The following TMEM131L variants were observed in gnomAD, a reference collection of about 807,000 sequenced individuals.
The protein encoded by TMEM131L is transmembrane 131 like.
TMEM131L carries 54 observed loss-of-function variants against 192.2 expected under a neutral mutation model. That is an observed-to-expected ratio of 0.28 (90% CI 0.23 to 0.35). TMEM131L has a LOEUF of 0.35. Among genes scored for constraint, TMEM131L ranks in the 10% least tolerant of loss-of-function variants. TMEM131L has a pLI of 1.00. For missense variants in TMEM131L, 1,888 were observed against 1,972.9 expected, an observed-to-expected ratio of 0.96 and a Z score of 0.82; for synonymous variants, 701 against 704.9, an observed-to-expected ratio of 0.99 and a Z score of 0.09.
At chr4:153,540,677 G>C (rs912670090) in intron 3 of TMEM131L, among the ~76,000 whole-genome samples, 2 of 152,224 alleles carry the variant, frequency 1.3e-5, no homozygotes. Context: ...AATAAGTTCA[G>C]CTACCAAGTT....
intron 3 of TMEM131L, among the ~76,000 whole-genome samples, chr4:153,504,565 G>C (rs1039124448): frequency 6.6e-6 from 1 of 152,168 alleles, no homozygotes; most frequent in Non-Finnish European, 1.5e-5. Flanking sequence ...TGGGATTACA[G>C]GCGTGAGCCA....
chr4:153,558,235 C>G (rs751638224), intron 6 of TMEM131L, 23 bp from the exon 7 acceptor site: 8 of 1,272,734 alleles, frequency 6.3e-6, no homozygotes, highest in South Asian at 1.2e-5. Context: ...AACAGAGGAG[C>G]AATTCTCTCT....
rs557784875 is a variant in TMEM131L, at chr4:153,605,535, T to G, written c.3418+1105T>G. On this transcript the variant is annotated intron_variant, in intron 25 of 34. Transcript: ENST00000409959. The stretch of plus-strand genomic sequence containing the variant: ...GGCACATGCCATCATGCCCAACTAA[T>G]TTTTGTACTGTTTTGTAGAGATGGG... Among the ~76,000 whole-genome samples, 8 of 152,216 alleles carry G rather than the reference T, an allele frequency of 5.3e-5. No homozygotes were observed. In the East Asian group the frequency reaches 1.5e-3, roughly 29 times the overall value.
intron 3 of TMEM131L, among the ~76,000 whole-genome samples, chr4:153,504,501 A>G (rs1052222120): frequency 2.0e-5 from 3 of 147,332 alleles, no homozygotes; most frequent in Non-Finnish European, 4.5e-5. Flanking sequence ...GCTGGTCTCT[A>G]ACTCCTGACT....
intron 25 of TMEM131L, among the ~76,000 whole-genome samples, chr4:153,611,788 T>A (rs1370677840): frequency 6.6e-6 from 1 of 152,240 alleles, no homozygotes; most frequent in African/African-American, 2.4e-5. Flanking sequence ...TCATCCATGT[T>A]GTAGCATGTG....
At chr4:153,530,610 A>T (rs928883877) in intron 3 of TMEM131L, among the ~76,000 whole-genome samples, 2 of 152,130 alleles carry the variant, frequency 1.3e-5, no homozygotes, top group African/African-American at 4.8e-5. Context: ...TTTAAAAGGT[A>T]TTCATTGGGT....
At chr4:153,488,905 T>A (rs867229974) in intron 3 of TMEM131L, among the ~76,000 whole-genome samples, 1 of 152,128 alleles carries the variant, frequency 6.6e-6, no homozygotes, top group African/African-American at 2.4e-5. Flanking sequence ...CAGTCTCTTG[T>A]CGCACAGCGC....
Position 153,596,259 on chromosome 4 carries a change from G to A in TMEM131L, c.1997G>A (p.Gly666Asp). Residue 666 changes from glycine to aspartate, a missense_variant and splice_region_variant, in exon 20 of 35, where the codon GGT becomes GAT. Coordinates refer to ENST00000409959, the MANE Select transcript of TMEM131L (RefSeq NM_001131007.2). Reference sequence around the variant, plus strand: ...ATGGTTTAATTTGTTAATTTGCAGGGTACGCATTCTGAGGAATCCAGGTTT... The same window carrying A: ...ATGGTTTAATTTGTTAATTTGCAGGATACGCATTCTGAGGAATCCAGGTTT... ...FQLTEACPYL[G>D]THSEESRFGI... 1 of 1,613,628 alleles carries A rather than the reference G, an allele frequency of 6.2e-7. No homozygotes were observed. The highest frequency in any genetic ancestry group is 8.5e-7 in the Non-Finnish European group (1 of 1,179,678).
At chr4:153,467,109 G>T in intron 1 of TMEM131L, 102 bp from the exon 2 acceptor site, 6 of 1,106,930 alleles carry the variant, frequency 5.4e-6, no homozygotes, top group Non-Finnish European at 8.1e-6. Context: ...AAAAAGAGAC[G>T]TGTTTTGGTG....
At chr4:153,592,675 T>C (rs1731159392) in intron 18 of TMEM131L, 91 bp downstream of exon 18, 1 of 853,302 alleles carries the variant, frequency 1.2e-6, no homozygotes, top group African/African-American at 1.7e-5. Flanking sequence ...AACCAGGACC[T>C]GTGTGTGGAT....
At chr4:153,551,600 C>T (rs1236769252) in intron 4 of TMEM131L, among the ~76,000 whole-genome samples, 1 of 152,018 alleles carries the variant, frequency 6.6e-6, no homozygotes, top group African/African-American at 2.4e-5. Context: ...AAGTGATACG[C>T]CCTCCTTGGC....
At chr4:153,514,406 AT>A (rs1399843422) in intron 3 of TMEM131L, among the ~76,000 whole-genome samples, 3 of 152,190 alleles carry the variant, frequency 2.0e-5, no homozygotes, top group African/African-American at 7.2e-5. Context: ...ATGATGAGAA[AT>A]GAGTCAACAA....
intron 3 of TMEM131L, among the ~76,000 whole-genome samples, chr4:153,485,780 C>G (rs1482160033): frequency 6.6e-6 from 1 of 152,212 alleles, no homozygotes; most frequent in Non-Finnish European, 1.5e-5. Context: ...TGTTAATCCA[C>G]TTAATCCATA....
chr4:153,528,180 CT>C (rs1252362322), intron 3 of TMEM131L, among the ~76,000 whole-genome samples: 1 of 152,184 alleles, frequency 6.6e-6, no homozygotes, highest in Non-Finnish European at 1.5e-5. Flanking sequence ...CAGGTTACAG[CT>C]TGCCTCTTCA....
chr4:153,572,524 T>C (rs1729656957), intron 7 of TMEM131L, among the ~76,000 whole-genome samples: 1 of 151,928 alleles, frequency 6.6e-6, no homozygotes, highest in Non-Finnish European at 1.5e-5. Context: ...AGAGATGGGG[T>C]TTCACCATGT....
chr4:153,543,411 A>G (rs1580176899), intron 3 of TMEM131L, among the ~76,000 whole-genome samples: 1 of 152,354 alleles, frequency 6.6e-6, no homozygotes, highest in Non-Finnish European at 1.5e-5. Flanking sequence ...AGAATTTTAT[A>G]ACTATGTAGT....
Position 153,473,961 on chromosome 4 carries a change from A to G in TMEM131L, c.239+73A>G, listed in dbSNP as rs1731344590. On this transcript the variant is annotated intron_variant, in intron 3 of 34. Coordinates refer to ENST00000409959, the MANE Select transcript of TMEM131L (RefSeq NM_001131007.2). ...CACTTTGGGTGCTCTCTGAAGTCTCAGTATATGTCCATGTTTATGTATTTA... is the reference window on the plus strand; with the variant it reads ...CACTTTGGGTGCTCTCTGAAGTCTCGGTATATGTCCATGTTTATGTATTTA... The G allele has an allele frequency of 3.1e-6, 3 of 975,632 alleles. No homozygotes were observed. The Admixed American group carries it at 7.4e-5, about 24-fold the overall frequency. The allele number at this position is 975,632 out of a possible 1,614,324, so 60.4% of individuals were successfully genotyped here.
intron 3 of TMEM131L, among the ~76,000 whole-genome samples, chr4:153,527,403 G>C (rs1250605597): frequency 6.6e-6 from 1 of 152,080 alleles, no homozygotes; most frequent in Non-Finnish European, 1.5e-5. Context: ...CTCCCGAGTA[G>C]CTGAGATTTC....
chr4:153,556,335 A>G (rs1028550191), intron 5 of TMEM131L, among the ~76,000 whole-genome samples: 1 of 152,196 alleles, frequency 6.6e-6, no homozygotes, highest in East Asian at 1.9e-4. Context: ...TTCTAAATCC[A>G]GAACTGCAAG....
Sources: allele counts gnomAD v4.1 joint callset (sites outside exome capture counted in the v4.1 genomes callset), GRCh38; gene constraint gnomAD v4.1.1; transcripts MANE v1.5; gene names NCBI Gene and HGNC (gene_info 2026-07-23, HGNC 2026-07-21).